The following CPEB3 variants were observed in gnomAD, a reference collection of about 807,000 sequenced individuals.
CPEB3 encodes cytoplasmic polyadenylation element-binding protein 3.
In CPEB3, 20 loss-of-function variants were observed where a neutral mutation model predicts 67.2. The observed-to-expected ratio is 0.30, with a 90% CI of 0.21 to 0.43. The LOEUF is 0.43. Among genes scored for constraint, CPEB3 ranks in the 20% least tolerant of loss-of-function variants. The pLI is 1.00. For missense variants in CPEB3, 746 were observed against 968.6 expected (o/e 0.77, Z 3.05); for synonymous variants, 376 against 393.1 (o/e 0.96, Z 0.51).
At chr10:92,248,866 AACTG>A (rs1404994425) in intron 1 of CPEB3, among the ~76,000 whole-genome samples, 1 of 152,182 alleles carries the variant, frequency 6.6e-6, no homozygotes, top group Non-Finnish European at 1.5e-5. Context: ...ACATTGACAT[AACTG>A]ACCACTCTTT....
chr10:92,242,442 T>C (rs982878935), intron 1 of CPEB3, among the ~76,000 whole-genome samples: 8 of 152,226 alleles, frequency 5.3e-5, no homozygotes, highest in African/African-American at 9.6e-5. Flanking sequence ...CAAAGTTCTA[T>C]TGCTGCCACA....
chr10:92,132,468 G>A (rs1450660436), intron 6 of CPEB3, among the ~76,000 whole-genome samples: 8 of 152,118 alleles, frequency 5.3e-5, no homozygotes. Context: ...TTGTCTTGCA[G>A]CGGGAAAAAT....
chr10:92,098,889 G>A (rs1844031764), intron 7 of CPEB3, among the ~76,000 whole-genome samples: 1 of 145,860 alleles, frequency 6.9e-6, no homozygotes, highest in Non-Finnish European at 1.5e-5. Context: ...CTCCTGCCTT[G>A]GTCTCCCGAG....
intron 3 of CPEB3, among the ~76,000 whole-genome samples, chr10:92,182,712 G>C (rs1212897870): frequency 6.6e-6 from 1 of 151,768 alleles, no homozygotes; most frequent in Non-Finnish European, 1.5e-5. Context: ...CATAATCCCA[G>C]CTACTTGGGA....
intron 4 of CPEB3, among the ~76,000 whole-genome samples, chr10:92,148,356 C>T (rs1846792758): frequency 6.6e-6 from 1 of 152,174 alleles, no homozygotes. Context: ...CAAACATACC[C>T]TTTTCAACTC....
chr10:92,278,111 G>A (rs1371466961), intron 1 of CPEB3, among the ~76,000 whole-genome samples: 1 of 151,630 alleles, frequency 6.6e-6, no homozygotes, highest in Admixed American at 6.6e-5. Context: ...CTTGAACCCA[G>A]GAAGAGGAGG....
intron 9 of CPEB3, among the ~76,000 whole-genome samples, chr10:92,059,201 C>T (rs978262001): frequency 3.6e-4 from 55 of 151,826 alleles, no homozygotes; most frequent in African/African-American, 1.1e-3. Context: ...TAGCACATGC[C>T]TGTAATCCCA....
intron 9 of CPEB3, among the ~76,000 whole-genome samples, chr10:92,069,177 A>T (rs1842661776): frequency 6.6e-6 from 1 of 152,214 alleles, no homozygotes; most frequent in Non-Finnish European, 1.5e-5. Flanking sequence ...ATGGTTCCTA[A>T]TGGAAATATG....
intron 6 of CPEB3, among the ~76,000 whole-genome samples, chr10:92,132,925 A>C (rs1047862030): frequency 6.6e-6 from 1 of 152,150 alleles, no homozygotes; most frequent in Non-Finnish European, 1.5e-5. Flanking sequence ...CTATTGGGTA[A>C]ATAACGAAAT....
At chr10:92,114,271 C>A (rs1161707857) in intron 6 of CPEB3, among the ~76,000 whole-genome samples, 1 of 152,212 alleles carries the variant, frequency 6.6e-6, no homozygotes, top group African/African-American at 2.4e-5. Flanking sequence ...CAAGGTCAAG[C>A]AAACCCAGAT....
intron 1 of CPEB3, among the ~76,000 whole-genome samples, chr10:92,255,190 T>G (rs999883484): frequency 3.3e-5 from 5 of 152,186 alleles, no homozygotes; most frequent in Non-Finnish European, 5.9e-5. Flanking sequence ...CCTCCTTCTG[T>G]GGTCTAGAAC....
At chr10:92,191,546 T>C (rs1002380259) in intron 3 of CPEB3, among the ~76,000 whole-genome samples, 1 of 152,182 alleles carries the variant, frequency 6.6e-6, no homozygotes, top group African/African-American at 2.4e-5. Context: ...AAGAGATTTC[T>C]GGTGTGGCTT....
intron 1 of CPEB3, among the ~76,000 whole-genome samples, chr10:92,248,789 T>C (rs969308386): frequency 1.3e-5 from 2 of 152,212 alleles, no homozygotes; most frequent in African/African-American, 2.4e-5. Context: ...TTCTCCAAGA[T>C]TATAATAGAC....
chr10:92,220,403 T>C (rs1475829285), intron 2 of CPEB3, among the ~76,000 whole-genome samples: 1 of 152,122 alleles, frequency 6.6e-6, no homozygotes, highest in East Asian at 1.9e-4. Flanking sequence ...TTCTGCAGCA[T>C]AAGAGCCAAC....
chr10:92,090,500 C>T (rs983209324), intron 8 of CPEB3, among the ~76,000 whole-genome samples: 1 of 152,194 alleles, frequency 6.6e-6, no homozygotes, highest in Non-Finnish European at 1.5e-5. Flanking sequence ...CGAGATCATG[C>T]CACTGCACTC....
intron 6 of CPEB3, among the ~76,000 whole-genome samples, chr10:92,141,273 C>T (rs1022068005): frequency 2.7e-5 from 4 of 150,938 alleles, no homozygotes; most frequent in Non-Finnish European, 5.9e-5. Context: ...AAATGTGGCA[C>T]ATATACACCA....
chr10:92,154,290 A>C (rs999717465), intron 4 of CPEB3, among the ~76,000 whole-genome samples: 4 of 152,234 alleles, frequency 2.6e-5, no homozygotes, highest in African/African-American at 9.6e-5. Flanking sequence ...AATGAAATCA[A>C]GGTTTGTCTA....
intron 6 of CPEB3, among the ~76,000 whole-genome samples, chr10:92,126,283 T>C (rs1225125446): frequency 6.6e-6 from 1 of 152,192 alleles, no homozygotes; most frequent in East Asian, 1.9e-4. Flanking sequence ...GGTTATATTA[T>C]AGCTCCTGTT....
At chr10:92,082,856 C>T (rs1843212816) in intron 8 of CPEB3, among the ~76,000 whole-genome samples, 1 of 152,080 alleles carries the variant, frequency 6.6e-6, no homozygotes, top group Non-Finnish European at 1.5e-5. Flanking sequence ...TGACCTGGGC[C>T]ACAGCCAATG....
Sources: gnomAD v4.1 joint callset for allele counts (sites outside exome capture counted in the v4.1 genomes callset) on GRCh38, gnomAD v4.1.1 for gene constraint, MANE v1.5 for transcripts, NCBI Gene and HGNC (gene_info 2026-07-23, HGNC 2026-07-21) for gene names.